The following GPER1 variants were observed in gnomAD, a reference collection of about 807,000 sequenced individuals.
GPER1 encodes the protein G protein-coupled estrogen receptor 1.
In GPER1, 2 loss-of-function variants were observed where a neutral mutation model predicts 0.6. The ratio of observed to expected loss-of-function variants is 3.41; its 90% confidence interval spans 1.39 to 10.72. GPER1 has a LOEUF of 10.72. Ranked by LOEUF, GPER1 falls within the 30% of genes most tolerant of loss-of-function variation. The pLI is 0.04. For missense variants in GPER1, 441 were observed against 535.2 expected (o/e 0.82, Z 1.74); for synonymous variants, 263 against 247.6 (o/e 1.06, Z -0.58).
rs1788038775 is a variant in GPER1 at position 1,092,016 on chromosome 7, G to A, written c.288G>A (p.Leu96=). ...GCGAGAAGATGACCATCCCCGACCTGTACTTCATCAACCTGGCGGTGGCGG... is the reference window on the plus strand; with the variant it reads ...GCGAGAAGATGACCATCCCCGACCTATACTTCATCAACCTGGCGGTGGCGG... ...SFREKMTIPD[L]YFINLAVADL... Residue 96 remains leucine (L), a synonymous_variant, in exon 2 of 2, where the codon CTG becomes CTA. Coordinates refer to ENST00000397088, the MANE Select transcript of GPER1 (RefSeq NM_001098201.3). The A allele has an allele frequency of 2.5e-6, 4 of 1,614,014 alleles. No homozygotes were observed. The South Asian group carries it at 4.4e-5, about 18-fold the overall frequency.
chr7:1,087,483 A>G (rs1457992988), upstream of GPER1, among the ~76,000 whole-genome samples: 1 of 152,230 alleles, frequency 6.6e-6, no homozygotes, highest in Non-Finnish European at 1.5e-5. Context: ...ACTTTATAAA[A>G]ACACTTTTAA....
upstream of GPER1, chr7:1,087,308 A>T (rs1467912871): frequency 6.6e-6 from 1 of 152,242 alleles, no homozygotes; most frequent in Non-Finnish European, 1.5e-5. Flanking sequence ...TAACACTCAG[A>T]GAAAACTACC....
rs765525830 is a variant in GPER1 at position 1,093,484 on chromosome 7, G to A, written c.*628G>A. On this transcript the variant is annotated 3_prime_UTR_variant, in exon 2 of 2. Coordinates refer to ENST00000397088, the MANE Select transcript of GPER1 (RefSeq NM_001098201.3). ...CGCTGTGCGGCCTCACCAGGCCCACGAGGAGCAGCAGCGCTCGGCCCGGAG... is the reference window on the plus strand; with the variant it reads ...CGCTGTGCGGCCTCACCAGGCCCACAAGGAGCAGCAGCGCTCGGCCCGGAG... The A allele has an allele frequency of 8.5e-5, 40 of 469,906 alleles. 1 individual carries two copies. The highest frequency in any genetic ancestry group is 6.6e-4 in the Middle Eastern group (2 of 3,028). 29.1% of individuals were successfully genotyped at this position (469,906 alleles called of 1,614,324 possible).
chr7:1,093,433 T>C lies in GPER1; in HGVS notation c.*577T>C, dbSNP rs1199724273. The C allele has an allele frequency of 2.2e-6, 1 of 463,366 alleles. No homozygotes were observed. The allele number at this position is 463,366 out of a possible 1,614,324, so 28.7% of individuals were successfully genotyped here. ...TGCTCTGGTGCACGCCTGAGCGTCC[T>C]CCATCTTCCAGGATGGCAGCAATGG... On this transcript the variant is annotated 3_prime_UTR_variant, in exon 2 of 2. Coordinates refer to ENST00000397088, the MANE Select transcript of GPER1 (RefSeq NM_001098201.3).
Position 1,092,082 on chromosome 7 carries a change from C to G in GPER1, c.354C>G (p.Asn118Lys). The change falls in exon 2 of 2, where the codon AAC becomes AAG. Residue 118 changes from asparagine to lysine, a missense_variant. By Grantham distance (94) the Asn-to-Lys change is moderately conservative. Transcript: ENST00000397088. Reference protein sequence around the residue: ...LVADSLIEVFNLHERYYDIAV... With the variant: ...LVADSLIEVFKLHERYYDIAV... ...CCGACTCCCTCATTGAGGTGTTCAA[C>G]CTGCACGAGCGGTACTACGACATCG... 6.2e-7 allele frequency: 1 copy of G among 1,613,966 alleles called. No individual in the cohort carries two copies. The highest frequency in any genetic ancestry group is 8.5e-7 in the Non-Finnish European group (1 of 1,180,032).
rs138657567 is a variant in GPER1 at position 1,092,847 on chromosome 7, T to G, written c.1119T>G (p.Ser373Arg). 10,047 of 1,612,294 alleles carry G rather than the reference T, an allele frequency of 6.2e-3. 44 individuals carry two copies. The highest frequency in any genetic ancestry group is 7.6e-3 in the Non-Finnish European group (8,965 of 1,179,398). Residue 373 changes from serine to arginine, a missense_variant, in exon 2 of 2, where the codon AGT becomes AGG. Ser to Arg is a moderately radical substitution (Grantham distance 110). Transcript: ENST00000397088. ...STEQSDVRFS[S>R]AV is the part of the protein sequence containing the mutation. Reference sequence around the variant, plus strand: ...AGCAGTCGGATGTGAGGTTCAGCAGTGCCGTGTAGACAGCCTTGGCCGCAT... The same window carrying G: ...AGCAGTCGGATGTGAGGTTCAGCAGGGCCGTGTAGACAGCCTTGGCCGCAT...
Position 1,092,103 on chromosome 7 carries a change from C to T in GPER1, c.375C>T (p.Asp125=), listed in dbSNP as rs994997995. ...EVFNLHERYY[D]IAVLCTFMSL... Reference sequence around the variant, plus strand: ...TCAACCTGCACGAGCGGTACTACGACATCGCCGTCCTGTGCACCTTCATGT... The same window carrying T: ...TCAACCTGCACGAGCGGTACTACGATATCGCCGTCCTGTGCACCTTCATGT... Residue 125 remains aspartate (D), a synonymous_variant, in exon 2 of 2, where the codon GAC becomes GAT. Transcript: ENST00000397088. 33 of 1,613,764 alleles carry T rather than the reference C, an allele frequency of 2.0e-5. No individual in the cohort carries two copies. Among genetic ancestry groups the T allele is most frequent in the African/African-American group, 2.7e-5 (2 of 74,944 alleles).
chr7:1,090,756 G>A (rs1456333347), intron 1 of GPER1, among the ~76,000 whole-genome samples: 1 of 152,258 alleles, frequency 6.6e-6, no homozygotes, highest in African/African-American at 2.4e-5. Flanking sequence ...GTTACAAACA[G>A]CATTGCAAAA....
In GPER1 at chr7:1,093,707, G is replaced by A. The variant is rs1788282165; in HGVS notation, c.*851G>A. On this transcript the variant is annotated 3_prime_UTR_variant, in exon 2 of 2. Coordinates refer to ENST00000397088, the MANE Select transcript of GPER1 (RefSeq NM_001098201.3). ...ATTTGTTTCTACAGAAATAACAGCTGGGGACAACTGCGGTGATGATGTAAA... is the reference window on the plus strand; with the variant it reads ...ATTTGTTTCTACAGAAATAACAGCTAGGGACAACTGCGGTGATGATGTAAA... The A allele has an allele frequency of 2.1e-6, 1 of 468,200 alleles. No individual in the cohort carries two copies. Among genetic ancestry groups the A allele is most frequent in the Non-Finnish European group, 4.5e-6 (1 of 224,594 alleles). The allele number at this position is 468,200 out of a possible 1,614,324, so 29.0% of individuals were successfully genotyped here. A position where few individuals can be genotyped will look rare whatever the true frequency, so the allele number is the denominator to read the frequency against.
At chr7:1,087,213 T>C (rs1181188788), upstream of GPER1, 1 of 152,104 alleles carries the variant, frequency 6.6e-6, no homozygotes, top group Non-Finnish European at 1.5e-5. Flanking sequence ...GCGGCCCTGG[T>C]GGGGAAGAGG....
Position 1,088,354 on chromosome 7 carries a change from C to G in GPER1, c.-323+33C>G, listed in dbSNP as rs957758156. On this transcript the variant is annotated intron_variant, in intron 1 of 1. Coordinates refer to ENST00000397088, the MANE Select transcript of GPER1 (RefSeq NM_001098201.3). The surrounding 1 kb of genome is among the most constrained non-coding windows in gnomAD (Gnocchi z 4.5). ...TCAGCCTCGGCCTGGCGGTGCCATACCACTGACTAGGGGAGCGGGTGGGTG... is the reference window on the plus strand; with the variant it reads ...TCAGCCTCGGCCTGGCGGTGCCATAGCACTGACTAGGGGAGCGGGTGGGTG... 2.6e-5 allele frequency: 4 copies of G among 152,336 alleles called. No individual in the cohort carries two copies. Among genetic ancestry groups the G allele is most frequent in the Non-Finnish European group, 5.9e-5 (4 of 68,144 alleles). The allele number at this position is 152,336 out of a possible 1,614,324, so 9.4% of individuals were successfully genotyped here.
At chr7:1,091,189 T>G (rs1348684536) in intron 1 of GPER1, among the ~76,000 whole-genome samples, 1 of 152,178 alleles carries the variant, frequency 6.6e-6, no homozygotes, top group Admixed American at 6.5e-5. Flanking sequence ...TGAGCAGCCG[T>G]GGGACCTGCA....
upstream of GPER1, chr7:1,088,075 G>A (rs1419360238): frequency 6.6e-6 from 1 of 152,346 alleles, no homozygotes; most frequent in South Asian, 2.1e-4. This position sits in a 1 kb window ranked among gnomAD's most constrained non-coding sequence, Gnocchi z 4.5. Flanking sequence ...GAGCGGGGCG[G>A]AGGGGGCCTA....
At position 1,092,317 on chromosome 7, in the gene GPER1, C is replaced by A; in HGVS notation, c.589C>A (p.His197Asn). ...SATLVPFTAVHLQHTDEACFC... is the reference protein window; with the variant it reads ...SATLVPFTAVNLQHTDEACFC... The stretch of plus-strand genomic sequence containing the variant: ...CACGCTGGTGCCCTTCACCGCCGTG[C>A]ACCTGCAGCACACCGACGAGGCCTG... Residue 197 changes from histidine to asparagine, a missense_variant, in exon 2 of 2, where the codon CAC becomes AAC. Physicochemically the swap from His to Asn is moderately conservative, Grantham distance 68. Transcript: ENST00000397088. 2 of 1,611,608 alleles carry A rather than the reference C, an allele frequency of 1.2e-6. No homozygotes were observed. The highest frequency in any genetic ancestry group is 1.7e-6 in the Non-Finnish European group (2 of 1,179,570).
intron 1 of GPER1, among the ~76,000 whole-genome samples, chr7:1,090,023 G>A (rs1403762990): frequency 6.6e-6 from 1 of 151,564 alleles, no homozygotes; most frequent in Non-Finnish European, 1.5e-5. Context: ...GGCGGCAGTT[G>A]CAGTGAGCCG....
chr7:1,092,110 G>A lies in GPER1; in HGVS notation c.382G>A (p.Val128Ile), dbSNP rs749344305. 5.5e-5 allele frequency: 88 copies of A among 1,613,678 alleles called. No individual in the cohort carries two copies. The highest frequency in any genetic ancestry group is 3.3e-4 in the South Asian group (30 of 91,092). Residue 128 changes from valine to isoleucine, a missense_variant, in exon 2 of 2, where the codon GTC becomes ATC. Coordinates refer to ENST00000397088, the MANE Select transcript of GPER1 (RefSeq NM_001098201.3). Reference sequence around the variant, plus strand: ...GCACGAGCGGTACTACGACATCGCCGTCCTGTGCACCTTCATGTCGCTCTT... The same window carrying A: ...GCACGAGCGGTACTACGACATCGCCATCCTGTGCACCTTCATGTCGCTCTT... ...NLHERYYDIA[V>I]LCTFMSLFLQ...
Position 1,091,451 on chromosome 7 carries a change from C to T in GPER1, c.-278C>T. On this transcript the variant is annotated 5_prime_UTR_variant, in exon 2 of 2. Transcript: ENST00000397088. ...CTCCACGCGGGACTGTGCACGGTGG[C>T]CGACACCCGCAGGGACGCCCGCCGG... The T allele has an allele frequency of 4.5e-6, 2 of 448,162 alleles. No individual in the cohort carries two copies. Among genetic ancestry groups the T allele is most frequent in the African/African-American group, 2.0e-5 (1 of 51,128 alleles). 27.8% of individuals were successfully genotyped at this position (448,162 alleles called of 1,614,324 possible). A position where few individuals can be genotyped will look rare whatever the true frequency, so the allele number is the denominator to read the frequency against.
chr7:1,091,896 G>A lies in GPER1; in HGVS notation c.168G>A (p.Val56=). 5.0e-6 allele frequency: 8 copies of A among 1,614,076 alleles called. No individual in the cohort carries two copies. The South Asian group carries it at 8.8e-5, about 18-fold the overall frequency. The stretch of plus-strand genomic sequence containing the variant: ...AGCTCTCGGAGCACCAGCAGTACGT[G>A]ATCGGCCTGTTCCTCTCGTGCCTCT... ...TGELSEHQQY[V]IGLFLSCLYT... Residue 56 remains valine, a synonymous_variant, in exon 2 of 2, where the codon GTG becomes GTA. Coordinates refer to ENST00000397088, the MANE Select transcript of GPER1 (RefSeq NM_001098201.3).
In GPER1 at chr7:1,093,639, G is replaced by A. The variant is rs781747318; in HGVS notation, c.*783G>A. ...GTGCGAGCTGCCGTGTGGGTTAGTC[G>A]GGTGCCAGGACAATGAAATACTCCA... On this transcript the variant is annotated 3_prime_UTR_variant, in exon 2 of 2. Transcript: ENST00000397088. 4.2e-6 allele frequency: 2 copies of A among 471,272 alleles called. No individual in the cohort carries two copies. The highest frequency in any genetic ancestry group is 2.3e-5 in the Admixed American group (1 of 42,592). 29.2% of individuals were successfully genotyped at this position (471,272 alleles called of 1,614,324 possible). A position where few individuals can be genotyped will look rare whatever the true frequency, so the allele number is the denominator to read the frequency against.
Sources: gnomAD v4.1 joint callset for allele counts (sites outside exome capture counted in the v4.1 genomes callset) on GRCh38, gnomAD v4.1.1 for gene constraint, Gnocchi (gnomAD v3.1) non-coding constraint, MANE v1.5 for transcripts, NCBI Gene and HGNC (gene_info 2026-07-23, HGNC 2026-07-21) for gene names.